KDM4C: variants seen among roughly 807,000 people sequenced by gnomAD.
KDM4C encodes the protein lysine-specific demethylase 4C.
A neutral mutation model predicts 129.3 loss-of-function variants in KDM4C; 81 were observed. The observed-to-expected ratio is 0.63, with a 90% CI of 0.52 to 0.75. The LOEUF (loss-of-function observed/expected upper bound fraction) is 0.75. Ranked by LOEUF, KDM4C falls within the 30% of genes least tolerant of loss-of-function variation. The pLI, the probability that KDM4C is intolerant of heterozygous loss-of-function variation, is 0.00. For synonymous variants in KDM4C, 573 were observed against 456.1 expected, an observed-to-expected ratio of 1.26 and a Z score of -3.26; for missense variants, 1,457 against 1,304.0, an observed-to-expected ratio of 1.12 and a Z score of -1.81.
intron 1 of KDM4C, among the ~76,000 whole-genome samples, chr9:6,760,992 T>C (rs1263694493): frequency 6.7e-6 from 1 of 149,544 alleles, no homozygotes. Flanking sequence ...TGTTTTCCTT[T>C]CCTGGATGTC....
chr9:7,071,813 C>G (rs1446742295), intron 17 of KDM4C, among the ~76,000 whole-genome samples: 1 of 152,070 alleles, frequency 6.6e-6, no homozygotes, highest in Non-Finnish European at 1.5e-5. Context: ...TTGAAAAACA[C>G]TTTTTGAGTC....
At chr9:6,844,772 C>T (rs1837562598) in intron 4 of KDM4C, among the ~76,000 whole-genome samples, 1 of 152,264 alleles carries the variant, frequency 6.6e-6, no homozygotes, top group African/African-American at 2.4e-5. Context: ...ACCACAACCT[C>T]TGCCTCCCGG....
rs539128352 is a variant in KDM4C at position 6,861,807 on chromosome 9, G to T, written c.629+12107G>T. 2.8e-5 allele frequency among the ~76,000 whole-genome samples: 4 copies of T among 144,376 alleles called. No individual in the cohort carries two copies. The East Asian group carries it at 5.9e-4, about 21-fold the overall frequency. 94.7% of individuals were successfully genotyped at this position (144,376 alleles called of 152,430 possible). ...TTTTTTTTTCTCGAGATGGAGTCTT[G>T]CTCTGTTGCCCAGGCTGCAGTGCAA... On this transcript the variant is annotated intron_variant, in intron 5 of 21. Transcript: ENST00000381309.
chr9:7,111,260 T>C (rs1445093702), intron 18 of KDM4C, among the ~76,000 whole-genome samples: 2 of 152,166 alleles, frequency 1.3e-5, no homozygotes, highest in African/African-American at 4.8e-5. Flanking sequence ...AAATCCAAAA[T>C]GCTCCAAAAT....
chr9:7,007,389 T>C (rs1045281041), intron 12 of KDM4C, among the ~76,000 whole-genome samples: 2 of 152,224 alleles, frequency 1.3e-5, no homozygotes, highest in African/African-American at 2.4e-5. Flanking sequence ...GAAGTGCTCT[T>C]GGCATAAAAT....
At chr9:6,738,001 GCAGGTGCCTGTAATTCTAGCTACT>G (rs1817580121) in intron 1 of KDM4C, among the ~76,000 whole-genome samples, 1 of 151,750 alleles carries the variant, frequency 6.6e-6, no homozygotes, top group East Asian at 1.9e-4. Flanking sequence ...GGGCATGGTG[GCAGGTGCCTGTAATTCTAGCTACT>G]CAGGAGGCTG....
chr9:6,823,433 A>G, intron 4 of KDM4C, among the ~76,000 whole-genome samples: 1 of 152,200 alleles, frequency 6.6e-6, no homozygotes, highest in East Asian at 1.9e-4. Flanking sequence ...GTGTGTAACC[A>G]TCTTTGATGA....
At chr9:6,831,806 A>G (rs62533754) in intron 4 of KDM4C, among the ~76,000 whole-genome samples, 13,400 of 152,230 alleles carry the variant, frequency 0.088, 714 homozygotes, top group Non-Finnish European at 0.11. Flanking sequence ...CTACTCAGTG[A>G]TGACCGCTGA....
chr9:6,748,412 C>T (rs1180383812), intron 1 of KDM4C, among the ~76,000 whole-genome samples: 1 of 151,276 alleles, frequency 6.6e-6, no homozygotes, highest in Non-Finnish European at 1.5e-5. Context: ...GAGGCTGAGG[C>T]AGGAGAATCG....
intron 17 of KDM4C, among the ~76,000 whole-genome samples, chr9:7,062,668 G>A (rs1376680297): frequency 6.6e-6 from 1 of 151,764 alleles, no homozygotes; most frequent in African/African-American, 2.4e-5. Flanking sequence ...ATAGGCATGC[G>A]CCACCGTGCC....
Position 7,077,270 on chromosome 9 carries a change from A to G in KDM4C, c.2425-26415A>G, listed in dbSNP as rs1051679082. 6.0e-5 allele frequency: 58 copies of G among 973,460 alleles called. No homozygotes were observed. In the African/African-American group the frequency reaches 1.0e-3, roughly 17 times the overall value. The allele number at this position is 973,460 out of a possible 1,614,324, so 60.3% of individuals were successfully genotyped here. A position where few individuals can be genotyped will look rare whatever the true frequency, so the allele number is the denominator to read the frequency against. On this transcript the variant is annotated intron_variant, in intron 17 of 21. Coordinates refer to ENST00000381309, the MANE Select transcript of KDM4C (RefSeq NM_015061.6). ...AAGATGCCATTTGCATGGATCTTGG[A>G]TTAGTGCTTGTAATTTGATTTGCGT...
chr9:6,834,712 G>T, intron 4 of KDM4C: 1 of 889,690 alleles, frequency 1.1e-6, no homozygotes, highest in Non-Finnish European at 1.9e-6. Context: ...AGAAGATCTG[G>T]CACCACACCT....
intron 1 of KDM4C, among the ~76,000 whole-genome samples, chr9:6,790,305 A>G (rs1225413160): frequency 6.7e-6 from 1 of 150,054 alleles, no homozygotes; most frequent in Non-Finnish European, 1.5e-5. Flanking sequence ...CAGTGGCGTG[A>G]TCTGGGCTCA....
intron 1 of KDM4C, among the ~76,000 whole-genome samples, chr9:6,791,469 C>A (rs1465596164): frequency 6.6e-6 from 1 of 152,158 alleles, no homozygotes; most frequent in African/African-American, 2.4e-5. Context: ...TGAAGACAGA[C>A]CTCATCCCTT....
rs553341746 is a variant in KDM4C, at chr9:6,908,009, T to A, written c.921+14777T>A. On this transcript the variant is annotated intron_variant, in intron 8 of 21. Transcript: ENST00000381309. ...TTCATACATTTTTTTTCCTGCAAAG[T>A]CCTTTGTAAGGAATGGATTTTCCTT... 2.6e-5 allele frequency among the ~76,000 whole-genome samples: 4 copies of A among 152,274 alleles called. No homozygotes were observed. The South Asian group carries it at 8.3e-4, about 32-fold the overall frequency.
chr9:6,923,145 C>T (rs1821841443), intron 8 of KDM4C, among the ~76,000 whole-genome samples: 1 of 152,000 alleles, frequency 6.6e-6, no homozygotes, highest in African/African-American at 2.4e-5. Context: ...AAAGCACTGC[C>T]TCCTCCCCAC....
chr9:6,756,623 A>T (rs568758400), upstream of KDM4C, among the ~76,000 whole-genome samples: 1 of 152,352 alleles, frequency 6.6e-6, no homozygotes, highest in South Asian at 2.1e-4. Flanking sequence ...AGGCTGAGGC[A>T]GGAGAATCTC....
chr9:6,731,625 C>G (rs1487696397), intron 1 of KDM4C, among the ~76,000 whole-genome samples: 1 of 152,160 alleles, frequency 6.6e-6, no homozygotes, highest in East Asian at 1.9e-4. Flanking sequence ...AGCCACTGCG[C>G]CCGGCCAAGC....
intron 1 of KDM4C, among the ~76,000 whole-genome samples, chr9:6,760,921 C>T (rs1819354091): frequency 6.6e-6 from 1 of 151,820 alleles, no homozygotes; most frequent in Non-Finnish European, 1.5e-5. Context: ...TTTCCCTATT[C>T]CACTGCCAAC....
Sources: gnomAD v4.1 joint callset for allele counts (sites outside exome capture counted in the v4.1 genomes callset) on GRCh38, gnomAD v4.1.1 for gene constraint, MANE v1.5 for transcripts, NCBI Gene and HGNC (gene_info 2026-07-23, HGNC 2026-07-21) for gene names.